Variants in COX19 observed in about 807,000 individuals in gnomAD.
The protein encoded by COX19 is cytochrome c oxidase assembly protein COX19.
Under a neutral mutation model 6.8 loss-of-function variants are expected in COX19, and 8 were observed. That is an observed-to-expected ratio of 1.18 (90% CI 0.69 to 2.12). The LOEUF is 2.12. Ranked by LOEUF, COX19 falls within the 30% of genes most tolerant of loss-of-function variation. The pLI is 0.00. For synonymous variants in COX19, 51 were observed against 38.0 expected (o/e 1.34, Z -1.26); for missense variants, 131 against 104.6 (o/e 1.25, Z -1.10).
rs1199182790 is a variant in COX19 at position 967,449 on chromosome 7, T to A, written c.*1929A>T. On this transcript the variant is annotated 3_prime_UTR_variant, in exon 3 of 3. Coordinates refer to ENST00000344111, the MANE Select transcript of COX19 (RefSeq NM_001031617.3). ...TCCACGCAAAAAACAAATTTACTAC[T>A]TAGAGTACAGTATCTTTCCTGTCTT... is the stretch of plus-strand genomic sequence containing the variant. The A allele has an allele frequency of 6.6e-6, 1 of 152,288 alleles. No individual in the cohort carries two copies. The highest frequency in any genetic ancestry group is 1.5e-5 in the Non-Finnish European group (1 of 68,054). The allele number at this position is 152,288 out of a possible 1,614,324, so 9.4% of individuals were successfully genotyped here. A position where few individuals can be genotyped will look rare whatever the true frequency, so the allele number is the denominator to read the frequency against.
rs1348177444 is a variant in COX19 at position 967,146 on chromosome 7, G to A, written c.*2232C>T. 1 of 152,230 alleles carries A rather than the reference G, an allele frequency of 6.6e-6. No individual in the cohort carries two copies. Among genetic ancestry groups the A allele is most frequent in the African/African-American group, 2.4e-5 (1 of 41,456 alleles). The allele number at this position is 152,230 out of a possible 1,614,324, so 9.4% of individuals were successfully genotyped here. On this transcript the variant is annotated 3_prime_UTR_variant, in exon 3 of 3. Transcript: ENST00000344111. ...CAGTGCCCATCTGTGACATTTTGAAGAGGGAAGCACGAAGTTCTGTCAGTT... is the reference window on the plus strand; with the variant it reads ...CAGTGCCCATCTGTGACATTTTGAAAAGGGAAGCACGAAGTTCTGTCAGTT...
intron 2 of COX19, among the ~76,000 whole-genome samples, chr7:971,273 TC>T (rs1402817132): frequency 6.6e-6 from 1 of 152,096 alleles, no homozygotes; most frequent in Non-Finnish European, 1.5e-5. Context: ...TATTTTCACA[TC>T]AGGCAAACAT....
chr7:969,518 C>A (rs975968756), intron 2 of COX19, 62 bp from the exon 3 acceptor site: 2 of 1,044,784 alleles, frequency 1.9e-6, no homozygotes, highest in Non-Finnish European at 2.9e-6. Flanking sequence ...GGGGCCCTTG[C>A]AGGCCCCGGC....
At chr7:975,221 A>G in intron 1 of COX19, 1 of 430,390 alleles carries the variant, frequency 2.3e-6, no homozygotes, top group Non-Finnish European at 4.1e-6. Context: ...TGCCCTCGTC[A>G]CGGGGGCCAC....
At chr7:973,827 A>G (rs1335606868) in intron 1 of COX19, among the ~76,000 whole-genome samples, 6 of 151,368 alleles carry the variant, frequency 4.0e-5, no homozygotes, top group Non-Finnish European at 8.8e-5. Context: ...TTAGCCGGGC[A>G]TGGTGGCGGG....
chr7:975,395 C>A (rs778396345), intron 1 of COX19, 33 bp downstream of exon 1: 19 of 1,533,456 alleles, frequency 1.2e-5, no homozygotes, highest in African/African-American at 2.8e-5. Flanking sequence ...CCCCCCATCG[C>A]AGACCCCTGC....
chr7:973,311 C>T lies in COX19; in HGVS notation c.83-19G>A. Reference sequence around the variant, plus strand: ...CATTCACCTAGAACGAGAAAGAAAACAGCATGTTCTTTTCAGAGTGAAAAG... The same window carrying T: ...CATTCACCTAGAACGAGAAAGAAAATAGCATGTTCTTTTCAGAGTGAAAAG... On this transcript the variant is annotated intron_variant, in intron 1 of 2. Coordinates refer to ENST00000344111, the MANE Select transcript of COX19 (RefSeq NM_001031617.3). The T allele has an allele frequency of 6.4e-7, 1 of 1,566,146 alleles. No individual in the cohort carries two copies. The highest frequency in any genetic ancestry group is 8.6e-7 in the Non-Finnish European group (1 of 1,157,026).
chr7:975,287 G>A, intron 1 of COX19, 141 bp downstream of exon 1: 1 of 621,922 alleles, frequency 1.6e-6, no homozygotes, highest in Non-Finnish European at 2.7e-6. Flanking sequence ...CCAGGGCTGG[G>A]TGGGGCGGAG....
At chr7:970,797 T>C (rs953469721) in intron 2 of COX19, among the ~76,000 whole-genome samples, 1 of 152,088 alleles carries the variant, frequency 6.6e-6, no homozygotes, top group Non-Finnish European at 1.5e-5. Flanking sequence ...AGGCTGGTCT[T>C]GAACTCCTGA....
chr7:971,621 C>T (rs1176660926), intron 2 of COX19, among the ~76,000 whole-genome samples: 1 of 152,116 alleles, frequency 6.6e-6, no homozygotes, highest in Admixed American at 6.6e-5. Context: ...CCTGTAATCC[C>T]AGCACTTTGG....
rs1562945408 is a variant in COX19, at chr7:969,252, G to A, written c.*126C>T. On this transcript the variant is annotated 3_prime_UTR_variant, in exon 3 of 3. Transcript: ENST00000344111. ...ACCCAGGAGACGCCCCCACAGGGCT[G>A]GAGCTTCTATTCGAAGCCCATTTCT... 7 of 699,906 alleles carry A rather than the reference G, an allele frequency of 1.0e-5. No homozygotes were observed. The Admixed American group carries it at 1.3e-4, about 13-fold the overall frequency. The allele number at this position is 699,906 out of a possible 1,614,324, so 43.4% of individuals were successfully genotyped here. A position where few individuals can be genotyped will look rare whatever the true frequency, so the allele number is the denominator to read the frequency against.
chr7:972,152 A>G (rs1847645116), intron 2 of COX19, among the ~76,000 whole-genome samples: 1 of 152,194 alleles, frequency 6.6e-6, no homozygotes, highest in Non-Finnish European at 1.5e-5. Flanking sequence ...CATTAATTTA[A>G]GACTAATTTA....
chr7:972,657 CGTTT>C (rs1847651901), intron 2 of COX19: 1 of 152,166 alleles, frequency 6.6e-6, no homozygotes, highest in South Asian at 2.1e-4. Flanking sequence ...GCTACGAACG[CGTTT>C]GTTTTGTTTA....
rs1847540876 is a variant in COX19 at position 965,607 on chromosome 7, G to A, written c.*3771C>T. Among the ~76,000 whole-genome samples, 1 of 152,180 alleles carries A rather than the reference G, an allele frequency of 6.6e-6. No homozygotes were observed. The highest frequency in any genetic ancestry group is 2.4e-5 in the African/African-American group (1 of 41,444). ...CAAGGGGAGGTTTCTCAAGACAGCA[G>A]ACACCTGCTTCACACCACACGTCAC... On this transcript the variant is annotated 3_prime_UTR_variant, in exon 3 of 3. Coordinates refer to ENST00000344111, the MANE Select transcript of COX19 (RefSeq NM_001031617.3).
rs186130186 is a variant in COX19 at position 965,331 on chromosome 7, A to G, written c.*4047T>C. ...CCCAGTTCCCCAAATAACATCTTAC[A>G]TAACACTGGGCCAGCGCTGCCAGTC... On this transcript the variant is annotated 3_prime_UTR_variant, in exon 3 of 3. Coordinates refer to ENST00000344111, the MANE Select transcript of COX19 (RefSeq NM_001031617.3). 2.0e-3 allele frequency among the ~76,000 whole-genome samples: 303 copies of G among 152,328 alleles called. 1 individual carries two copies. Among genetic ancestry groups the G allele is most frequent in the Non-Finnish European group, 3.5e-3 (236 of 68,026 alleles).
In COX19 at chr7:965,333, A is replaced by G. The variant is rs1562944204; in HGVS notation, c.*4045T>C. Among the ~76,000 whole-genome samples the G allele has an allele frequency of 6.6e-6, 1 of 152,336 alleles. No individual in the cohort carries two copies. The highest frequency in any genetic ancestry group is 1.9e-4 in the East Asian group (1 of 5,184). The stretch of plus-strand genomic sequence containing the variant: ...CAGTTCCCCAAATAACATCTTACAT[A>G]ACACTGGGCCAGCGCTGCCAGTCAC... On this transcript the variant is annotated 3_prime_UTR_variant, in exon 3 of 3. Transcript: ENST00000344111.
intron 2 of COX19, among the ~76,000 whole-genome samples, chr7:972,341 T>C (rs781532326): frequency 5.3e-4 from 81 of 152,176 alleles, no homozygotes; most frequent in Admixed American, 1.6e-3. Context: ...CGGCCCCAAA[T>C]GTCCACACGA....
chr7:973,994 G>A (rs991445658), intron 1 of COX19, among the ~76,000 whole-genome samples: 3 of 151,330 alleles, frequency 2.0e-5, no homozygotes, highest in Non-Finnish European at 4.4e-5. Flanking sequence ...GATCCAGCCT[G>A]GTCAACATGG....
chr7:970,029 T>A (rs1193599728), intron 2 of COX19, among the ~76,000 whole-genome samples: 1 of 150,508 alleles, frequency 6.6e-6, no homozygotes, highest in Non-Finnish European at 1.5e-5. Context: ...AGTGGTGTGA[T>A]CAGCGGTTCA....
Sources: gnomAD v4.1 joint callset for allele counts (sites outside exome capture counted in the v4.1 genomes callset) on GRCh38, gnomAD v4.1.1 for gene constraint, MANE v1.5 for transcripts, NCBI Gene and HGNC (gene_info 2026-07-23, HGNC 2026-07-21) for gene names.